The following HEPACAM variants were observed in gnomAD, a reference collection of about 807,000 sequenced individuals.
The protein encoded by HEPACAM is hepatic and glial cell adhesion molecule, also known as hepatocyte cell adhesion molecule.
HEPACAM carries 18 observed loss-of-function variants against 38.3 expected under a neutral mutation model. The observed-to-expected ratio is 0.47, with a 90% CI of 0.33 to 0.70. The LOEUF is 0.70. Among genes scored for constraint, HEPACAM ranks in the 30% least tolerant of loss-of-function variants. The pLI is 0.03. For synonymous variants in HEPACAM, 216 were observed against 243.1 expected, an observed-to-expected ratio of 0.89 and a Z score of 1.04; for missense variants, 466 against 563.0, an observed-to-expected ratio of 0.83 and a Z score of 1.74.
intron 1 of HEPACAM, among the ~76,000 whole-genome samples, chr11:124,927,886 C>T (rs549474117): frequency 1.3e-5 from 2 of 151,988 alleles, no homozygotes; most frequent in Non-Finnish European, 2.9e-5. Flanking sequence ...GCAAGACTCT[C>T]TCTCAAAAAA....
In HEPACAM at chr11:124,921,513, G is replaced by T; in HGVS notation, c.949-73C>A. The T allele has an allele frequency of 9.9e-7, 1 of 1,006,576 alleles. No individual in the cohort carries two copies. Among genetic ancestry groups the T allele is most frequent in the Non-Finnish European group, 1.3e-6 (1 of 781,596 alleles). 62.4% of individuals were successfully genotyped at this position (1,006,576 alleles called of 1,614,324 possible). A position where few individuals can be genotyped will look rare whatever the true frequency, so the allele number is the denominator to read the frequency against. ...GGGAGCGCGCCTGGTGTTAGAGCTT[G>T]CTGGAATTCCGAGGGGAGGGACCTA... On this transcript the variant is annotated intron_variant, in intron 6 of 6. Transcript: ENST00000298251. The surrounding 1 kb of genome is among the most constrained non-coding windows in gnomAD (Gnocchi z 4.6).
At position 124,935,996 on chromosome 11, in the gene HEPACAM, T is replaced by C. The variant is rs1166641848; in HGVS notation, c.11A>G (p.Glu4Gly). 6.2e-7 allele frequency: 1 copy of C among 1,613,908 alleles called. No individual in the cohort carries two copies. Among genetic ancestry groups the C allele is most frequent in the Non-Finnish European group, 8.5e-7 (1 of 1,179,936 alleles). Reference sequence around the variant, plus strand: ...GGAGGCTCTGGACAGGGCTCCCCTTTCTCTCTTCATTTTGGGTGGCGTTCT... The same window carrying C: ...GGAGGCTCTGGACAGGGCTCCCCTTCCTCTCTTCATTTTGGGTGGCGTTCT... The part of the protein sequence containing the change: MKR[E>G]RGALSRASRA... The change falls in exon 1 of 7, where the codon GAA becomes GGA. Residue 4 changes from glutamate to glycine, a missense_variant. Glu to Gly is a moderately conservative substitution (Grantham distance 98). Transcript: ENST00000298251.
intron 1 of HEPACAM, among the ~76,000 whole-genome samples, chr11:124,933,314 AG>A (rs1490352800): frequency 1.3e-5 from 2 of 151,888 alleles, no homozygotes; most frequent in Non-Finnish European, 2.9e-5. Flanking sequence ...TGGAATTACA[AG>A]CGTGCACCAC....
intron 1 of HEPACAM, among the ~76,000 whole-genome samples, chr11:124,928,491 G>A (rs765826023): frequency 3.9e-5 from 6 of 152,162 alleles, no homozygotes; most frequent in Non-Finnish European, 7.3e-5. Context: ...AGGGTTACAT[G>A]TGCAGAGCCA....
In HEPACAM at chr11:124,935,924, G is replaced by T. The variant is rs1408215895; in HGVS notation, c.83C>A (p.Thr28Lys). ...APFVYLLLIQ[T>K]DPLEGVNITS... The stretch of plus-strand genomic sequence containing the variant: ...TTTCTTACCCTCTGGCCTCCTACCT[G>T]TCTGGATCAGAAGAAGGTAGACAAA... Residue 28 changes from threonine (T) to lysine (K), a missense_variant and splice_region_variant, in exon 1 of 7, where the codon ACA becomes AAA. Coordinates refer to ENST00000298251, the MANE Select transcript of HEPACAM (RefSeq NM_152722.5). The T allele has an allele frequency of 1.2e-6, 2 of 1,613,578 alleles. No individual in the cohort carries two copies. The highest frequency in any genetic ancestry group is 1.7e-6 in the Non-Finnish European group (2 of 1,179,706).
chr11:124,932,010 G>C (rs973775309), intron 1 of HEPACAM, among the ~76,000 whole-genome samples: 1 of 152,170 alleles, frequency 6.6e-6, no homozygotes. Flanking sequence ...CTTATAGAAA[G>C]ACATGCAAAA....
At position 124,922,812 on chromosome 11, in the gene HEPACAM, C is replaced by T; in HGVS notation, c.810G>A (p.Gln270=). 2 of 1,614,196 alleles carry T rather than the reference C, an allele frequency of 1.2e-6. No individual in the cohort carries two copies. Among genetic ancestry groups the T allele is most frequent in the Non-Finnish European group, 1.7e-6 (2 of 1,180,020 alleles). Residue 270 remains glutamine (Q), a synonymous_variant, in exon 5 of 7, where the codon CAG becomes CAA. Coordinates refer to ENST00000298251, the MANE Select transcript of HEPACAM (RefSeq NM_152722.5). ...GGGAGTTTTGCTTTTCTAGCTTCTT[C>T]TGTTTCCTGTGAATCAATTCAGCCC... The part of the protein sequence containing the change: ...CACWKPSKRK[Q]KKLEKQNSLE...
chr11:124,921,147 G>T lies in HEPACAM; in HGVS notation c.1242C>A (p.Ile414=). 6.5e-7 allele frequency: 1 copy of T among 1,527,226 alleles called. No individual in the cohort carries two copies. The highest frequency in any genetic ancestry group is 8.7e-7 in the Non-Finnish European group (1 of 1,144,100). 94.6% of individuals were successfully genotyped at this position (1,527,226 alleles called of 1,614,324 possible). A position where few individuals can be genotyped will look rare whatever the true frequency, so the allele number is the denominator to read the frequency against. The change falls in exon 7 of 7, where the codon ATC becomes ATA. Residue 414 remains isoleucine, a synonymous_variant. Transcript: ENST00000298251. The surrounding 1 kb of genome is among the most constrained non-coding windows in gnomAD (Gnocchi z 4.6). ...GGGATCCCGAGGCGGCTCAGGCGCT[G>T]ATCTCCACCGGGCCGGCCTCGTCTT... ...REQDEAGPVE[I]SA is the part of the protein sequence containing the mutation.
intron 3 of HEPACAM, 95 bp downstream of exon 3, chr11:124,923,634 C>A: frequency 1.3e-6 from 2 of 1,488,800 alleles, no homozygotes; most frequent in South Asian, 2.3e-5. Flanking sequence ...GTTCCCCTCC[C>A]CCCAGTGACA....
rs1947119754 is a variant in HEPACAM at position 124,920,709 on chromosome 11, A to AAAAAAAAAT, written c.*428_*429insATTTTTTTT. On this transcript the variant is annotated 3_prime_UTR_variant, in exon 7 of 7. Coordinates refer to ENST00000298251, the MANE Select transcript of HEPACAM (RefSeq NM_152722.5). Reference sequence around the variant, plus strand: ...AAAAAAAAAAAAAAAAAAAAAAAAAAGTGCCCCAGCACTCAGGCATTTGTT... The same window carrying AAAAAAAAAT: ...AAAAAAAAAAAAAAAAAAAAAAAAAAAAAAAAAATGTGCCCCAGCACTCAGGCATTTGTT... 1.0e-6 allele frequency: 1 copy of AAAAAAAAAT among 1,004,046 alleles called. No individual in the cohort carries two copies. The highest frequency in any genetic ancestry group is 2.0e-5 in the African/African-American group (1 of 50,400). 62.2% of individuals were successfully genotyped at this position (1,004,046 alleles called of 1,614,324 possible). A position where few individuals can be genotyped will look rare whatever the true frequency, so the allele number is the denominator to read the frequency against.
intron 1 of HEPACAM, among the ~76,000 whole-genome samples, chr11:124,933,083 TC>T (rs1437787230): frequency 6.6e-6 from 1 of 152,186 alleles, no homozygotes; most frequent in African/African-American, 2.4e-5. Context: ...CTCTTATTAC[TC>T]TTTAGTCCAC....
At chr11:124,931,666 A>G (rs745834260) in intron 1 of HEPACAM, among the ~76,000 whole-genome samples, 13 of 152,242 alleles carry the variant, frequency 8.5e-5, no homozygotes, top group Non-Finnish European at 1.5e-4. Context: ...GGCCATGTCT[A>G]TGAACACTAA....
chr11:124,931,811 T>G, intron 1 of HEPACAM, among the ~76,000 whole-genome samples: 1 of 152,188 alleles, frequency 6.6e-6, no homozygotes, highest in East Asian at 1.9e-4. Context: ...AAAGCCCCGA[T>G]GGGGCTAAGT....
At chr11:124,923,571 C>T (rs1277961268) in intron 3 of HEPACAM, 138 bp from the exon 4 acceptor site, 3 of 1,113,810 alleles carry the variant, frequency 2.7e-6, no homozygotes, top group East Asian at 2.4e-5. Flanking sequence ...GGAGCTTGTA[C>T]AGAACCCACT....
intron 1 of HEPACAM, among the ~76,000 whole-genome samples, chr11:124,927,709 G>A (rs1252400686): frequency 6.6e-6 from 1 of 151,978 alleles, no homozygotes; most frequent in African/African-American, 2.4e-5. Flanking sequence ...TGCCAGGAAT[G>A]TTAGAACCAT....
In HEPACAM at chr11:124,919,711, C is replaced by G. The variant is rs1221855020; in HGVS notation, c.*1427G>C. On this transcript the variant is annotated 3_prime_UTR_variant, in exon 7 of 7. Transcript: ENST00000298251. Reference sequence around the variant, plus strand: ...AGGGGGCAAACTAGAAATGTCAGTGCCTTTGGGGCTGAGACAAAACTTGAC... The same window carrying G: ...AGGGGGCAAACTAGAAATGTCAGTGGCTTTGGGGCTGAGACAAAACTTGAC... The G allele has an allele frequency of 2.5e-6, 4 of 1,604,608 alleles. No homozygotes were observed. In the Admixed American group the frequency reaches 5.0e-5, roughly 20 times the overall value.
rs1947182205 is a variant in HEPACAM, at chr11:124,924,542, C to T, written c.427+186G>A. 2.9e-6 allele frequency: 2 copies of T among 691,800 alleles called. No homozygotes were observed. Among genetic ancestry groups the T allele is most frequent in the Non-Finnish European group, 5.3e-6 (2 of 380,238 alleles). The allele number at this position is 691,800 out of a possible 1,614,324, so 42.9% of individuals were successfully genotyped here. ...AAAGCACTTAGAATAGTTTCTGGCA[C>T]ATGGCAATCACTCTACATGTTAGCT... On this transcript the variant is annotated intron_variant, in intron 2 of 6. Transcript: ENST00000298251. This position sits in a 1 kb window ranked among gnomAD's most constrained non-coding sequence, Gnocchi z 4.4.
Position 124,935,972 on chromosome 11 carries a change from G to C in HEPACAM, c.35C>G (p.Ser12Cys). 6.2e-7 allele frequency: 1 copy of C among 1,614,058 alleles called. No individual in the cohort carries two copies. Among genetic ancestry groups the C allele is most frequent in the Non-Finnish European group, 8.5e-7 (1 of 1,180,004 alleles). Reference sequence around the variant, plus strand: ...AAAAGGAGCAAGGCGCAGGGCCCTGGAGGCTCTGGACAGGGCTCCCCTTTC... The same window carrying C: ...AAAAGGAGCAAGGCGCAGGGCCCTGCAGGCTCTGGACAGGGCTCCCCTTTC... ...KRERGALSRA[S>C]RALRLAPFVY... The change falls in exon 1 of 7, where the codon TCC becomes TGC. Residue 12 changes from serine to cysteine, a missense_variant. Coordinates refer to ENST00000298251, the MANE Select transcript of HEPACAM (RefSeq NM_152722.5).
chr11:124,922,906 A>G (rs1475457984), intron 4 of HEPACAM, 88 bp from the exon 5 acceptor site: 4 of 1,334,804 alleles, frequency 3.0e-6, no homozygotes, highest in Admixed American at 1.7e-5. Context: ...TCTGATGGCC[A>G]TAAAAGAGGC....
Sources: gnomAD v4.1 joint callset for allele counts (sites outside exome capture counted in the v4.1 genomes callset) on GRCh38, gnomAD v4.1.1 for gene constraint, Gnocchi (gnomAD v3.1) non-coding constraint, MANE v1.5 for transcripts, NCBI Gene and HGNC (gene_info 2026-07-23, HGNC 2026-07-21) for gene names.